PLBD2: variants seen among roughly 807,000 people sequenced by gnomAD.
PLBD2 encodes phospholipase B domain containing 2.
In PLBD2, 51 loss-of-function variants were observed where a neutral mutation model predicts 68.3. The observed-to-expected ratio is 0.75, with a 90% CI of 0.60 to 0.94. The LOEUF is 0.94. Ranked by LOEUF, PLBD2 falls within the 40% of genes least tolerant of loss-of-function variation. PLBD2 has a pLI of 0.00. For synonymous variants in PLBD2, 314 were observed against 339.3 expected, an observed-to-expected ratio of 0.93 and a Z score of 0.82; for missense variants, 729 against 792.2, an observed-to-expected ratio of 0.92 and a Z score of 0.96.
At chr12:113,385,578 C>G (rs948710955) in intron 9 of PLBD2, among the ~76,000 whole-genome samples, 1 of 152,160 alleles carries the variant, frequency 6.6e-6, no homozygotes, top group African/African-American at 2.4e-5. Flanking sequence ...GTACAGCTGT[C>G]ACCTCCTGAG....
chr12:113,376,013 C>A (rs1957435494), intron 5 of PLBD2, among the ~76,000 whole-genome samples: 1 of 151,542 alleles, frequency 6.6e-6, no homozygotes, highest in Non-Finnish European at 1.5e-5. Context: ...ATCACCATGC[C>A]CAGCTAATTT....
At chr12:113,379,844 TTATC>T (rs1957469997) in intron 5 of PLBD2, among the ~76,000 whole-genome samples, 1 of 152,144 alleles carries the variant, frequency 6.6e-6, no homozygotes, top group African/African-American at 2.4e-5. Context: ...AACAAAATAT[TTATC>T]TGTTTGTCTA....
chr12:113,360,821 A>T (rs550833928), intron 1 of PLBD2, among the ~76,000 whole-genome samples: 38 of 152,132 alleles, frequency 2.5e-4, no homozygotes, highest in Middle Eastern at 3.4e-3. Context: ...ATGCCCGGCT[A>T]ATTTTTGTAT....
intron 1 of PLBD2, among the ~76,000 whole-genome samples, chr12:113,365,533 CA>C (rs200603657): frequency 0.013 from 1,960 of 152,154 alleles, 21 homozygotes; most frequent in South Asian, 0.036. Flanking sequence ...AGGCTGGTCT[CA>C]AACTCCTGAC....
intron 1 of PLBD2, among the ~76,000 whole-genome samples, chr12:113,365,118 C>A (rs1957330817): frequency 6.6e-6 from 1 of 152,130 alleles, no homozygotes; most frequent in Admixed American, 6.6e-5. Flanking sequence ...AAGAACTATA[C>A]CTCCTTGCCC....
Position 113,372,758 on chromosome 12 carries a change from G to A in PLBD2, c.494G>A (p.Trp165Ter). The part of the protein sequence containing the change: ...LKSFLEANLE[W>*]MQEEMESNPD... Reference sequence around the variant, plus strand: ...AGCTTCCTGGAGGCCAACCTAGAGTGGATGCAGGAAGAGATGGAGTCAAAC... The same window carrying A: ...AGCTTCCTGGAGGCCAACCTAGAGTAGATGCAGGAAGAGATGGAGTCAAAC... Residue 165 changes from tryptophan to a stop codon, truncating the protein, a stop_gained, in exon 3 of 12, where the codon TGG becomes TAG. Coordinates refer to ENST00000280800, the MANE Select transcript of PLBD2 (RefSeq NM_173542.4). LOFTEE classifies it high-confidence loss of function. This position sits in a 1 kb window ranked among gnomAD's most constrained non-coding sequence, Gnocchi z 4.2. 6.2e-7 allele frequency: 1 copy of A among 1,614,046 alleles called. No individual in the cohort carries two copies.
At chr12:113,360,213 G>T (rs1437321506) in intron 1 of PLBD2, among the ~76,000 whole-genome samples, 1 of 152,190 alleles carries the variant, frequency 6.6e-6, no homozygotes, top group Non-Finnish European at 1.5e-5. Flanking sequence ...GGCTCCCAGA[G>T]AGAGGAGGCC....
chr12:113,387,498 G>A (rs950880556), intron 10 of PLBD2, among the ~76,000 whole-genome samples: 3 of 152,190 alleles, frequency 2.0e-5, no homozygotes, highest in Non-Finnish European at 4.4e-5. Context: ...CCTGGCTGGG[G>A]TGGTGGCATG....
chr12:113,361,365 G>T, intron 1 of PLBD2, among the ~76,000 whole-genome samples: 1 of 141,874 alleles, frequency 7.0e-6, no homozygotes. Flanking sequence ...TTTGAGACAG[G>T]GTCTCCCTGT....
intron 1 of PLBD2, among the ~76,000 whole-genome samples, chr12:113,367,049 C>G (rs530622883): frequency 6.6e-6 from 1 of 151,888 alleles, no homozygotes; most frequent in African/African-American, 2.4e-5. Context: ...TCAAATTTCT[C>G]GAATTCTTGG....
rs781017550 is a variant in PLBD2, at chr12:113,374,962, C to T, written c.814C>T (p.Arg272Cys). 12 of 1,614,108 alleles carry T rather than the reference C, an allele frequency of 7.4e-6. No individual in the cohort carries two copies. The highest frequency in any genetic ancestry group is 2.7e-5 in the African/African-American group (2 of 75,024). Reference protein sequence around the residue: ...NTWNNYQHMLRVIKKYWLQFR... With the variant: ...NTWNNYQHMLCVIKKYWLQFR... ...CTGGAACAACTACCAGCACATGCTGCGTGTCATCAAGAAGTACTGGCTCCA... is the reference window on the plus strand; with the variant it reads ...CTGGAACAACTACCAGCACATGCTGTGTGTCATCAAGAAGTACTGGCTCCA... The change falls in exon 5 of 12, where the codon CGT becomes TGT. Residue 272 changes from arginine to cysteine, a missense_variant. Arg to Cys is a radical substitution (Grantham distance 180). Coordinates refer to ENST00000280800, the MANE Select transcript of PLBD2 (RefSeq NM_173542.4).
chr12:113,372,592 C>A lies in PLBD2; in HGVS notation c.385-57C>A. On this transcript the variant is annotated intron_variant, in intron 2 of 11. Transcript: ENST00000280800. This position sits in a 1 kb window ranked among gnomAD's most constrained non-coding sequence, Gnocchi z 4.2. ...TGGGGCAGCCTGGGTGGGGGGCTCT[C>A]AGGGAAGAGAGCACCCCAGCTGCCC... The A allele has an allele frequency of 6.4e-7, 1 of 1,573,034 alleles. No individual in the cohort carries two copies. Among genetic ancestry groups the A allele is most frequent in the Non-Finnish European group, 8.7e-7 (1 of 1,154,620 alleles).
At chr12:113,385,047 C>T in intron 8 of PLBD2, 101 bp downstream of exon 8, 6 of 1,346,932 alleles carry the variant, frequency 4.5e-6, no homozygotes, top group South Asian at 1.3e-5. Context: ...TGAACGATCT[C>T]AGGAGGGTGT....
At chr12:113,381,271 C>T (rs1004923161) in intron 6 of PLBD2, among the ~76,000 whole-genome samples, 3 of 151,868 alleles carry the variant, frequency 2.0e-5, no homozygotes, top group African/African-American at 7.3e-5. Flanking sequence ...CACCGCTTCC[C>T]TCTCCTCCTG....
At position 113,385,250 on chromosome 12, in the gene PLBD2, A is replaced by T. The variant is rs768155577; in HGVS notation, c.1253A>T (p.Tyr418Phe). The change falls in exon 9 of 12, where the codon TAC (tyrosine) becomes TTC (phenylalanine). Residue 418 changes from tyrosine to phenylalanine, a missense_variant. Tyr to Phe is a conservative substitution (Grantham distance 22, BLOSUM62 3). Transcript: ENST00000280800. ...VVVADKTSEL[Y>F]QKTYWASYNI... is the part of the protein sequence containing the mutation. Reference sequence around the variant, plus strand: ...GTGGCTGACAAGACCTCGGAGCTCTACCAGAAGACCTACTGGGCCAGCTAC... The same window carrying T: ...GTGGCTGACAAGACCTCGGAGCTCTTCCAGAAGACCTACTGGGCCAGCTAC... 2 of 1,614,054 alleles carry T rather than the reference A, an allele frequency of 1.2e-6. No individual in the cohort carries two copies. The highest frequency in any genetic ancestry group is 1.7e-6 in the Non-Finnish European group (2 of 1,179,988).
intron 1 of PLBD2, among the ~76,000 whole-genome samples, chr12:113,362,866 C>A (rs531473818): frequency 6.6e-6 from 1 of 151,598 alleles, no homozygotes; most frequent in South Asian, 2.1e-4. Context: ...CTCATTGCAA[C>A]CTCCGCCTCC....
chr12:113,375,566 T>A (rs781555076), intron 5 of PLBD2, among the ~76,000 whole-genome samples: 12 of 152,276 alleles, frequency 7.9e-5, no homozygotes, highest in Non-Finnish European at 1.8e-4. Context: ...TATTTTTTGC[T>A]CCTGCCTCTA....
intron 6 of PLBD2, 109 bp from the exon 7 acceptor site, chr12:113,383,996 C>CAAAAAA (rs376758985): frequency 2.6e-5 from 13 of 494,252 alleles, no homozygotes; most frequent in African/African-American, 3.5e-5. Flanking sequence ...GACTCTATCT[C>CAAAAAA]AAAAAAAAAA....
At chr12:113,371,287 G>A (rs1277661785) in intron 2 of PLBD2, among the ~76,000 whole-genome samples, 4 of 152,242 alleles carry the variant, frequency 2.6e-5, no homozygotes, top group African/African-American at 9.6e-5. Context: ...CAGTCCCAAA[G>A]TGGGAGTCCT....
Sources: allele counts gnomAD v4.1 joint callset (sites outside exome capture counted in the v4.1 genomes callset), GRCh38; gene constraint gnomAD v4.1.1; non-coding constraint Gnocchi (gnomAD v3.1); transcripts MANE v1.5; gene names NCBI Gene and HGNC (gene_info 2026-07-23, HGNC 2026-07-21).